CLEC16A: variants seen among roughly 807,000 people sequenced by gnomAD.
CLEC16A encodes the protein protein CLEC16A.
Under a neutral mutation model 109.5 loss-of-function variants are expected in CLEC16A, and 51 were observed. The ratio of observed to expected loss-of-function variants is 0.47; its 90% CI spans 0.37 to 0.59. The LOEUF (loss-of-function observed/expected upper bound fraction) is 0.59. Ranked by LOEUF, CLEC16A falls within the 20% of genes least tolerant of loss-of-function variation. The pLI is 0.00. For synonymous variants in CLEC16A, 673 were observed against 564.2 expected (o/e 1.19, Z -2.73); for missense variants, 1,339 against 1,394.0 (o/e 0.96, Z 0.63).
chr16:11,006,232 G>A (rs1041450969), intron 11 of CLEC16A, among the ~76,000 whole-genome samples: 4 of 152,154 alleles, frequency 2.6e-5, no homozygotes, highest in African/African-American at 9.7e-5. Flanking sequence ...CACCCCCAGA[G>A]ATATTCTGGA....
At chr16:11,040,200 T>A in intron 14 of CLEC16A, 1 of 288,814 alleles carries the variant, frequency 3.5e-6, no homozygotes, top group Non-Finnish European at 6.5e-6. Flanking sequence ...CAAGGTAATA[T>A]TATGAGAAAG....
chr16:10,970,165 G>A (rs992420093), intron 4 of CLEC16A, among the ~76,000 whole-genome samples: 1 of 152,172 alleles, frequency 6.6e-6, no homozygotes. Context: ...CGAGGACCCA[G>A]GCTTTCCCAT....
At chr16:11,126,519 C>T (rs1005012523) in intron 22 of CLEC16A, 24 of 802,576 alleles carry the variant, frequency 3.0e-5, no homozygotes, top group African/African-American at 7.0e-5. Context: ...TGTTTGGTTC[C>T]GGTTACAACC....
At chr16:11,099,696 G>C (rs35347079) in intron 19 of CLEC16A, among the ~76,000 whole-genome samples, 1 of 152,072 alleles carries the variant, frequency 6.6e-6, no homozygotes, top group African/African-American at 2.4e-5. Context: ...AGGCGTCCTC[G>C]TCTGGAACTG....
Position 11,090,277 on chromosome 16 carries a change from A to T in CLEC16A, c.2116+29255A>T, listed in dbSNP as rs182672172. Among the ~76,000 whole-genome samples, 3 of 152,190 alleles carry T rather than the reference A, an allele frequency of 2.0e-5. 1 individual carries two copies. The East Asian group carries it at 5.8e-4, about 29-fold the overall frequency. On this transcript the variant is annotated intron_variant, in intron 19 of 23. Transcript: ENST00000409790. ...CGCTATGTTGCCCAGTCTGGTCTCG[A>T]ACTCTGGACCTCAAGTGTGGTCAGA...
chr16:11,060,832 G>A, intron 18 of CLEC16A, 70 bp from the exon 19 acceptor site: 4 of 1,409,730 alleles, frequency 2.8e-6, no homozygotes, highest in Non-Finnish European at 3.8e-6. Flanking sequence ...TGTCATTTCT[G>A]GGTGTGGGGC....
intron 1 of CLEC16A, among the ~76,000 whole-genome samples, chr16:10,948,050 C>T (rs1164854737): frequency 2.4e-4 from 36 of 152,150 alleles, no homozygotes; most frequent in Middle Eastern, 3.4e-3. Context: ...CCCGCCACCA[C>T]GCCCAGCTAA....
intron 19 of CLEC16A, among the ~76,000 whole-genome samples, chr16:11,079,708 A>G (rs1024420527): frequency 2.0e-5 from 3 of 152,230 alleles, no homozygotes; most frequent in African/African-American, 2.4e-5. Context: ...GGAAATATGC[A>G]TGTCATTTAA....
At chr16:10,960,735 C>T (rs2042214064) in intron 2 of CLEC16A, among the ~76,000 whole-genome samples, 1 of 152,048 alleles carries the variant, frequency 6.6e-6, no homozygotes, top group African/African-American at 2.4e-5. Flanking sequence ...GAAGATTCAT[C>T]TCTTCTCTCT....
chr16:11,122,383 T>C (rs1431138291), intron 20 of CLEC16A, among the ~76,000 whole-genome samples: 2 of 152,262 alleles, frequency 1.3e-5, no homozygotes, highest in African/African-American at 4.8e-5. Context: ...TCTAGGCTTA[T>C]GATTAATTTC....
At position 11,167,939 on chromosome 16, in the gene CLEC16A, G is replaced by A. The variant is rs566514546; in HGVS notation, c.2806+1387G>A. ...CCGTTTCATGCTTGCTCAGGGGCGG[G>A]CATGCAGGGTTGTGTGTTCATGCAC... On this transcript the variant is annotated intron_variant, in intron 23 of 23. Transcript: ENST00000409790. Among the ~76,000 whole-genome samples, 414 of 152,170 alleles carry A rather than the reference G, an allele frequency of 2.7e-3. 2 individuals carry two copies. Among genetic ancestry groups the A allele is most frequent in the Non-Finnish European group, 4.5e-3 (309 of 68,036 alleles).
At chr16:11,156,926 C>G (rs1415355637) in intron 22 of CLEC16A, among the ~76,000 whole-genome samples, 1 of 132,572 alleles carries the variant, frequency 7.5e-6, no homozygotes, top group Non-Finnish European at 1.6e-5. Context: ...CGCCCCCCCC[C>G]CCACCCACCC....
intron 22 of CLEC16A, among the ~76,000 whole-genome samples, chr16:11,141,614 C>T (rs2053833825): frequency 6.6e-6 from 1 of 152,234 alleles, no homozygotes; most frequent in Admixed American, 6.5e-5. Context: ...GCATGTCTGT[C>T]CAAGCTCCTT....
At chr16:11,146,371 T>A (rs1030571177) in intron 22 of CLEC16A, among the ~76,000 whole-genome samples, 2 of 152,176 alleles carry the variant, frequency 1.3e-5, no homozygotes, top group African/African-American at 2.4e-5. Flanking sequence ...ATACCAGACA[T>A]ATAGGTAGTG....
chr16:11,005,262 T>C (rs1026668765), intron 11 of CLEC16A, among the ~76,000 whole-genome samples: 3 of 152,212 alleles, frequency 2.0e-5, no homozygotes, highest in African/African-American at 7.2e-5. Context: ...TGCAGGCTGC[T>C]GTTTCAGCTT....
intron 22 of CLEC16A, chr16:11,156,614 G>T (rs931262350): frequency 1.5e-6 from 2 of 1,304,170 alleles, no homozygotes; most frequent in African/African-American, 3.0e-5. Context: ...CCAGATGGCC[G>T]CTCCCAAGCT....
intron 11 of CLEC16A, among the ~76,000 whole-genome samples, chr16:11,007,631 C>T (rs1286751462): frequency 6.6e-6 from 1 of 152,218 alleles, no homozygotes; most frequent in African/African-American, 2.4e-5. Flanking sequence ...TCTACGAACC[C>T]TGGCCAAGGT....
intron 14 of CLEC16A, 199 bp from the exon 15 acceptor site, chr16:11,042,055 T>G (rs2047365328): frequency 3.6e-6 from 2 of 563,302 alleles, no homozygotes; most frequent in Non-Finnish European, 3.2e-6. Flanking sequence ...TAGGTAGTTT[T>G]GATGGAGAAC....
intron 19 of CLEC16A, among the ~76,000 whole-genome samples, chr16:11,101,462 C>G (rs772502876): frequency 7.9e-5 from 12 of 152,196 alleles, no homozygotes; most frequent in Admixed American, 4.6e-4. Context: ...CCTTGACTGT[C>G]GCACTCTGCG....
Sources: allele counts gnomAD v4.1 joint callset (sites outside exome capture counted in the v4.1 genomes callset), GRCh38; gene constraint gnomAD v4.1.1; transcripts MANE v1.5; gene names NCBI Gene and HGNC (gene_info 2026-07-23, HGNC 2026-07-21).